PRKG1: variants seen among roughly 807,000 people sequenced by gnomAD.
PRKG1 encodes protein kinase cGMP-dependent 1.
In PRKG1, 35 loss-of-function variants were observed where a neutral mutation model predicts 88.1. The observed-to-expected ratio is 0.40, with a 90% confidence interval of 0.30 to 0.53. The LOEUF (loss-of-function observed/expected upper bound fraction) is 0.53, where lower values mean the gene tolerates loss of function less well. Among genes scored for constraint, PRKG1 ranks in the 20% least tolerant of loss-of-function variants. The pLI, the probability that PRKG1 is intolerant of heterozygous loss-of-function variation, is 0.59. For synonymous variants in PRKG1, 303 were observed against 292.5 expected (o/e 1.04, Z -0.37); for missense variants, 540 against 839.8 (o/e 0.64, Z 4.41).
At chr10:51,529,740 A>G (rs1053683085) in intron 3 of PRKG1, among the ~76,000 whole-genome samples, 2 of 152,170 alleles carry the variant, frequency 1.3e-5, no homozygotes, top group Non-Finnish European at 2.9e-5. Context: ...TACTGAAATT[A>G]TCTTAGTTAT....
chr10:51,275,863 C>T (rs12772496), intron 2 of PRKG1, among the ~76,000 whole-genome samples: 2,998 of 151,804 alleles, frequency 0.02, 40 homozygotes, highest in Non-Finnish European at 0.03. Context: ...GTAAAAGTGG[C>T]CCAGAAAGGA....
At chr10:52,131,550 T>C (rs992485203) in intron 7 of PRKG1, among the ~76,000 whole-genome samples, 4 of 151,686 alleles carry the variant, frequency 2.6e-5, no homozygotes, top group Non-Finnish European at 5.9e-5. Flanking sequence ...TGATGTGTAT[T>C]AAAAGGAGGC....
chr10:51,205,849 T>A (rs1264799248), intron 2 of PRKG1, among the ~76,000 whole-genome samples: 3 of 152,164 alleles, frequency 2.0e-5, no homozygotes, highest in Non-Finnish European at 4.4e-5. Context: ...TTTAAAAACC[T>A]GTTAGATTAT....
At chr10:51,698,633 T>C (rs777831376) in intron 3 of PRKG1, 5 of 1,614,102 alleles carry the variant, frequency 3.1e-6, no homozygotes, top group Non-Finnish European at 1.7e-6. Flanking sequence ...ATCTGACATC[T>C]GCACTTGTCC....
chr10:51,793,802 C>G (rs1056426872), intron 3 of PRKG1, among the ~76,000 whole-genome samples: 3 of 152,106 alleles, frequency 2.0e-5, no homozygotes, highest in Non-Finnish European at 4.4e-5. Context: ...TACTCTGTTG[C>G]CCAGGCTGGA....
chr10:51,618,935 A>ATTTT (rs3086927), intron 3 of PRKG1, among the ~76,000 whole-genome samples: 7 of 123,526 alleles, frequency 5.7e-5, no homozygotes, highest in African/African-American at 1.8e-4. Flanking sequence ...CACCCAGCTA[A>ATTTT]TTTTTTTTTT....
intron 2 of PRKG1, among the ~76,000 whole-genome samples, chr10:51,206,065 A>G (rs10996069): frequency 0.52 from 79,625 of 151,978 alleles, 20,747 homozygotes; most frequent in African/African-American, 0.55. Flanking sequence ...TAAACAGTCA[A>G]TTTTAGTTTT....
intron 2 of PRKG1, among the ~76,000 whole-genome samples, chr10:51,347,816 C>A (rs1024261390): frequency 6.6e-5 from 10 of 152,062 alleles, no homozygotes; most frequent in African/African-American, 2.2e-4. Flanking sequence ...AATCCCAGCA[C>A]TTTGGGAGGC....
intron 2 of PRKG1, among the ~76,000 whole-genome samples, chr10:51,414,830 G>T (rs1334960445): frequency 6.6e-6 from 1 of 151,916 alleles, no homozygotes; most frequent in African/African-American, 2.4e-5. Flanking sequence ...CATTTTATTT[G>T]GTTTTTAAAT....
intron 3 of PRKG1, among the ~76,000 whole-genome samples, chr10:51,518,343 T>G (rs1371589010): frequency 1.3e-5 from 2 of 152,172 alleles, no homozygotes; most frequent in African/African-American, 4.8e-5. Context: ...TGGCCTAAGA[T>G]TCTTCTAATT....
At chr10:51,990,753 T>G (rs1438663242) in intron 5 of PRKG1, among the ~76,000 whole-genome samples, 1 of 152,104 alleles carries the variant, frequency 6.6e-6, no homozygotes, top group East Asian at 1.9e-4. Context: ...CAGTGTCTGT[T>G]GTTCCTCTCT....
intron 7 of PRKG1, chr10:52,128,486 A>G: frequency 1.0e-6 from 1 of 985,410 alleles, no homozygotes; most frequent in Non-Finnish European, 1.2e-6. Context: ...CAGTGACGCC[A>G]CTTTGGGATA....
At chr10:51,611,076 G>T (rs944724575) in intron 3 of PRKG1, among the ~76,000 whole-genome samples, 1 of 151,852 alleles carries the variant, frequency 6.6e-6, no homozygotes, top group African/African-American at 2.4e-5. Flanking sequence ...AAGTAGTGCT[G>T]CAATAAACAT....
At chr10:51,607,833 T>G (rs1156290027) in intron 3 of PRKG1, among the ~76,000 whole-genome samples, 1 of 152,184 alleles carries the variant, frequency 6.6e-6, no homozygotes, top group Non-Finnish European at 1.5e-5. Context: ...TCCAGATATT[T>G]GATTAAAAAA....
chr10:52,230,506 T>G (rs1266138222), intron 9 of PRKG1, among the ~76,000 whole-genome samples: 2 of 152,242 alleles, frequency 1.3e-5, no homozygotes, highest in Admixed American at 6.5e-5. Context: ...TGAAGAAAAC[T>G]GAGGCAGATG....
intron 2 of PRKG1, among the ~76,000 whole-genome samples, chr10:51,378,065 G>A (rs577240685): frequency 6.6e-6 from 1 of 152,362 alleles, no homozygotes; most frequent in African/African-American, 2.4e-5. Flanking sequence ...GTCTCATTAT[G>A]AGAGATGCTC....
chr10:51,716,759 C>T (rs957496994), intron 3 of PRKG1, among the ~76,000 whole-genome samples: 27 of 152,210 alleles, frequency 1.8e-4, no homozygotes, highest in African/African-American at 6.5e-4. Flanking sequence ...GTGACACCAT[C>T]TCACCTCACT....
intron 4 of PRKG1, among the ~76,000 whole-genome samples, chr10:51,881,028 G>T (rs1184203374): frequency 6.6e-6 from 1 of 151,740 alleles, no homozygotes; most frequent in East Asian, 1.9e-4. Flanking sequence ...TAGAGAAAAG[G>T]GGGGCAGATA....
At chr10:51,769,960 A>G (rs372927038) in intron 3 of PRKG1, among the ~76,000 whole-genome samples, 27 of 152,360 alleles carry the variant, frequency 1.8e-4, no homozygotes, top group African/African-American at 6.0e-4. Flanking sequence ...CATGTGGCCT[A>G]TGGGCCGTGT....
Sources: allele counts gnomAD v4.1 joint callset (sites outside exome capture counted in the v4.1 genomes callset), GRCh38; gene constraint gnomAD v4.1.1; transcripts MANE v1.5; gene names NCBI Gene and HGNC (gene_info 2026-07-23, HGNC 2026-07-21).